Variants in PRPF39 observed in about 807,000 individuals in gnomAD.
PRPF39 encodes pre-mRNA-processing factor 39.
A neutral mutation model predicts 82.1 loss-of-function variants in PRPF39; 27 were observed. The observed-to-expected ratio is 0.33, with a 90% CI of 0.24 to 0.45. The LOEUF (loss-of-function observed/expected upper bound fraction) is 0.45, where lower values mean the gene tolerates loss of function less well. Among genes scored for constraint, PRPF39 ranks in the 20% least tolerant of loss-of-function variants. The pLI is 1.00. For missense variants in PRPF39, 581 were observed against 796.9 expected (o/e 0.73, Z 3.26); for synonymous variants, 261 against 256.4 (o/e 1.02, Z -0.17).
At chr14:45,095,770 G>T (rs1312770381) in intron 2 of PRPF39, 3 of 673,448 alleles carry the variant, frequency 4.5e-6, no homozygotes, top group Non-Finnish European at 4.5e-6. Flanking sequence ...AAAGCTTAAT[G>T]TTTTGTAATA....
intron 1 of PRPF39, among the ~76,000 whole-genome samples, chr14:45,084,581 G>C (rs1177083293): frequency 1.3e-5 from 2 of 152,190 alleles, no homozygotes; most frequent in Non-Finnish European, 2.9e-5. Context: ...CTGGAACACG[G>C]CTGGGGTGGC....
At chr14:45,088,047 C>A (rs1318911957) in intron 1 of PRPF39, among the ~76,000 whole-genome samples, 1 of 151,988 alleles carries the variant, frequency 6.6e-6, no homozygotes, top group Non-Finnish European at 1.5e-5. Flanking sequence ...TGTACTGTAT[C>A]CCTGTGTATT....
At chr14:45,103,606 A>G (rs1394515102) in intron 5 of PRPF39, among the ~76,000 whole-genome samples, 1 of 152,150 alleles carries the variant, frequency 6.6e-6, no homozygotes, top group African/African-American at 2.4e-5. Context: ...GAAGTTATAC[A>G]GACTCAGGTT....
intron 4 of PRPF39, among the ~76,000 whole-genome samples, chr14:45,100,501 AT>A (rs1884341285): frequency 2.0e-5 from 3 of 152,202 alleles, no homozygotes; most frequent in Admixed American, 2.0e-4. Context: ...AAAGTTGAAG[AT>A]TTCTCACGAT....
chr14:45,085,719 C>T (rs914782904), intron 1 of PRPF39, among the ~76,000 whole-genome samples: 1 of 152,082 alleles, frequency 6.6e-6, no homozygotes, highest in Non-Finnish European at 1.5e-5. Context: ...GCTGCCAAAA[C>T]CAGTGGTTAT....
In PRPF39 at chr14:45,110,969, T is replaced by C; in HGVS notation, c.1572+152T>C. ...CAGTCCCTCTAAACTGATGTTGCCA[T>C]TTAAAAATTTTTTTCAAATTGTTTT... On this transcript the variant is annotated intron_variant, in intron 10 of 13. Coordinates refer to ENST00000355765, the MANE Select transcript of PRPF39 (RefSeq NM_017922.4). The surrounding 1 kb of genome is among the most constrained non-coding windows in gnomAD (Gnocchi z 4.0). 1 of 760,952 alleles carries C rather than the reference T, an allele frequency of 1.3e-6. No homozygotes were observed. Among genetic ancestry groups the C allele is most frequent in the East Asian group, 2.7e-5 (1 of 36,444 alleles). 47.1% of individuals were successfully genotyped at this position (760,952 alleles called of 1,614,324 possible).
intron 1 of PRPF39, among the ~76,000 whole-genome samples, chr14:45,089,572 C>T (rs1242223675): frequency 2.6e-5 from 4 of 152,116 alleles, no homozygotes; most frequent in African/African-American, 4.8e-5. Context: ...CTTCAGCCTC[C>T]GGCTAATTTT....
chr14:45,105,525 CTTTTTTT>C (rs201816309), intron 5 of PRPF39, among the ~76,000 whole-genome samples: 2 of 133,446 alleles, frequency 1.5e-5, no homozygotes, highest in African/African-American at 2.7e-5. Flanking sequence ...TATTTATATA[CTTTTTTT>C]TTTTTTTTTT....
chr14:45,096,551 G>GCTATATT (rs1884207018), intron 3 of PRPF39: 1 of 1,431,722 alleles, frequency 7.0e-7, no homozygotes, highest in African/African-American at 1.4e-5. Context: ...CAATATAGTT[G>GCTATATT]GTTTGCTAGT....
rs549804406 is a variant in PRPF39, at chr14:45,098,522, C to T, written c.569+1517C>T. Among the ~76,000 whole-genome samples the T allele has an allele frequency of 2.0e-5, 3 of 151,824 alleles. No individual in the cohort carries two copies. The South Asian group carries it at 6.2e-4, about 32-fold the overall frequency. Reference sequence around the variant, plus strand: ...TCATACTGTCTTTTCATTTTATAACCTTTTTGGTTTTTAATTGCTCCTCCC... The same window carrying T: ...TCATACTGTCTTTTCATTTTATAACTTTTTTGGTTTTTAATTGCTCCTCCC... On this transcript the variant is annotated intron_variant, in intron 4 of 13. Transcript: ENST00000355765.
In PRPF39 at chr14:45,096,074, A is replaced by G. The variant is rs1316906799; in HGVS notation, c.325-29A>G. ...TATTTTTTTGACAGAAATTTCCACA[A>G]TATTTAAATACTGTTTTATTTTTAT... is the stretch of plus-strand genomic sequence containing the variant. On this transcript the variant is annotated intron_variant, in intron 2 of 13. Transcript: ENST00000355765. The G allele has an allele frequency of 1.3e-5, 20 of 1,507,214 alleles. No homozygotes were observed. In the Admixed American group the frequency reaches 2.2e-4, roughly 17 times the overall value. 93.4% of individuals were successfully genotyped at this position (1,507,214 alleles called of 1,614,324 possible). A position where few individuals can be genotyped will look rare whatever the true frequency, so the allele number is the denominator to read the frequency against.
chr14:45,110,798 A>C lies in PRPF39; in HGVS notation c.1553A>C (p.Glu518Ala). The C allele has an allele frequency of 6.4e-7, 1 of 1,551,422 alleles. No individual in the cohort carries two copies. The highest frequency in any genetic ancestry group is 8.7e-7 in the Non-Finnish European group (1 of 1,146,710). ...NLPKSRKVLL[E>A]AIERDKENTK... is the part of the protein sequence containing the mutation. ...CCAAAATCAAGAAAGGTGCTTTTGG[A>C]AGCAATCGAAAGAGACAAAGTATGC... Residue 518 changes from glutamate to alanine, a missense_variant, in exon 10 of 14, where the codon GAA becomes GCA. By Grantham distance (107) the Glu-to-Ala change is moderately radical (BLOSUM62 -1). Coordinates refer to ENST00000355765, the MANE Select transcript of PRPF39 (RefSeq NM_017922.4). The surrounding 1 kb of genome is among the most constrained non-coding windows in gnomAD (Gnocchi z 4.0).
intron 1 of PRPF39, among the ~76,000 whole-genome samples, chr14:45,085,414 A>G (rs2139028802): frequency 6.6e-6 from 1 of 152,344 alleles, no homozygotes; most frequent in Middle Eastern, 3.4e-3. Flanking sequence ...TTCCTTGCTT[A>G]TAATTGAATA....
At position 45,085,531 on chromosome 14, in the gene PRPF39, A is replaced by G. The variant is rs148449688; in HGVS notation, c.-20+1282A>G. 5.2e-3 allele frequency among the ~76,000 whole-genome samples: 797 copies of G among 152,372 alleles called. 27 individuals carry two copies. Among genetic ancestry groups the G allele is most frequent in the Admixed American group, 0.045 (683 of 15,312 alleles). ...GATAGGACTTCAAAAAAAATTAAAA[A>G]TAGCCGAAGGAGGAAGAAGGTAGTG... On this transcript the variant is annotated intron_variant, in intron 1 of 13. Coordinates refer to ENST00000355765, the MANE Select transcript of PRPF39 (RefSeq NM_017922.4).
Position 45,110,318 on chromosome 14 carries a change from T to C in PRPF39, c.1303+98T>C. 6.7e-7 allele frequency: 1 copy of C among 1,483,276 alleles called. No individual in the cohort carries two copies. Among genetic ancestry groups the C allele is most frequent in the Non-Finnish European group, 9.1e-7 (1 of 1,100,354 alleles). The allele number at this position is 1,483,276 out of a possible 1,614,324, so 91.9% of individuals were successfully genotyped here. ...GTAAGGGATGGTGTAAAGCAGAGTT[T>C]GGCAAACTTTTTCTCTAAAGGGCCA... is the stretch of plus-strand genomic sequence containing the variant. On this transcript the variant is annotated intron_variant, in intron 9 of 13. Coordinates refer to ENST00000355765, the MANE Select transcript of PRPF39 (RefSeq NM_017922.4). This position sits in a 1 kb window ranked among gnomAD's most constrained non-coding sequence, Gnocchi z 4.0.
chr14:45,093,696 C>T (rs1322135931), intron 1 of PRPF39, among the ~76,000 whole-genome samples: 1 of 152,006 alleles, frequency 6.6e-6, no homozygotes, highest in Non-Finnish European at 1.5e-5. Context: ...GCTGGGATTA[C>T]AGGCATGTGC....
chr14:45,112,841 G>A (rs1884733410), intron 11 of PRPF39, among the ~76,000 whole-genome samples: 1 of 152,148 alleles, frequency 6.6e-6, no homozygotes, highest in Admixed American at 6.6e-5. Context: ...TAATATATAG[G>A]TCAATAAAGA....
chr14:45,102,453 C>A, intron 4 of PRPF39, 76 bp from the exon 5 acceptor site: 1 of 1,277,848 alleles, frequency 7.8e-7, no homozygotes, highest in Non-Finnish European at 1.0e-6. Flanking sequence ...TTAGCATTAT[C>A]TTCTAAATTT....
At position 45,115,051 on chromosome 14, in the gene PRPF39, G is replaced by A; in HGVS notation, c.*138G>A. Reference sequence around the variant, plus strand: ...GTTTCTGTGTAACATGATTTGTTTAGTAATAGGGGGAAAATGTCAATTAGT... The same window carrying A: ...GTTTCTGTGTAACATGATTTGTTTAATAATAGGGGGAAAATGTCAATTAGT... On this transcript the variant is annotated 3_prime_UTR_variant, in exon 14 of 14. Coordinates refer to ENST00000355765, the MANE Select transcript of PRPF39 (RefSeq NM_017922.4). The A allele has an allele frequency of 1.8e-6, 1 of 552,480 alleles. No individual in the cohort carries two copies. The highest frequency in any genetic ancestry group is 3.1e-6 in the Non-Finnish European group (1 of 323,902). 34.2% of individuals were successfully genotyped at this position (552,480 alleles called of 1,614,324 possible).
Sources: allele counts gnomAD v4.1 joint callset (sites outside exome capture counted in the v4.1 genomes callset), GRCh38; gene constraint gnomAD v4.1.1; non-coding constraint Gnocchi (gnomAD v3.1); transcripts MANE v1.5; gene names NCBI Gene and HGNC (gene_info 2026-07-23, HGNC 2026-07-21).